Variants in FSTL4 observed in about 807,000 individuals in gnomAD.
FSTL4 encodes the protein follistatin like 4.
In FSTL4, 28 loss-of-function variants were observed where a neutral mutation model predicts 78.2. That is an observed-to-expected ratio of 0.36 (90% confidence interval 0.27 to 0.49). The LOEUF is 0.49. Among genes scored for constraint, FSTL4 ranks in the 20% least tolerant of loss-of-function variants. The pLI is 0.98. For missense variants in FSTL4, 922 were observed against 1,084.9 expected (o/e 0.85, Z 2.11); for synonymous variants, 422 against 440.5 (o/e 0.96, Z 0.53).
At chr5:133,641,631 C>G in the FSTL4 span, among the ~76,000 whole-genome samples, 1 of 151,754 alleles carries the variant, frequency 6.6e-6, no homozygotes, top group South Asian at 2.1e-4. Context: ...CATACATAGG[C>G]AAAAATGTTC....
At chr5:133,744,438 C>T in the FSTL4 span, among the ~76,000 whole-genome samples, 6 of 152,162 alleles carry the variant, frequency 3.9e-5, no homozygotes, top group South Asian at 2.1e-4. Context: ...CCACAGCCCC[C>T]GCTGTGCCGC....
chr5:133,607,097 CA>C (rs1480378837), intron 1 of FSTL4, among the ~76,000 whole-genome samples: 1 of 152,154 alleles, frequency 6.6e-6, no homozygotes, highest in African/African-American at 2.4e-5. Flanking sequence ...TGAGCCAGGC[CA>C]ACTACTGAAA....
At chr5:133,802,918 G>A in the FSTL4 span, among the ~76,000 whole-genome samples, 2 of 152,280 alleles carry the variant, frequency 1.3e-5, no homozygotes, top group South Asian at 2.1e-4. Context: ...ATTTCCAGGC[G>A]CATATACATA....
chr5:133,227,967 C>T (rs1751383854), intron 8 of FSTL4, among the ~76,000 whole-genome samples: 1 of 152,198 alleles, frequency 6.6e-6, no homozygotes, highest in African/African-American at 2.4e-5. Flanking sequence ...TGGCTCATGC[C>T]TATTATCTCA....
At chr5:133,480,573 C>T (rs1005440383) in intron 3 of FSTL4, among the ~76,000 whole-genome samples, 13 of 151,962 alleles carry the variant, frequency 8.6e-5, no homozygotes, top group Admixed American at 8.5e-4. Flanking sequence ...CTTGGATCAA[C>T]GTGAAGCCGG....
At chr5:133,337,636 A>G (rs1291423365) in intron 4 of FSTL4, among the ~76,000 whole-genome samples, 1 of 152,196 alleles carries the variant, frequency 6.6e-6, no homozygotes, top group East Asian at 1.9e-4. Context: ...GCCAAATGGG[A>G]ATACCAGCAA....
At chr5:133,653,049 C>T in the FSTL4 span, among the ~76,000 whole-genome samples, 17 of 152,158 alleles carry the variant, frequency 1.1e-4, no homozygotes, top group African/African-American at 2.9e-4. Flanking sequence ...CAGCCAAACG[C>T]TGCATTAGGT....
rs1756823474 is a variant in FSTL4, at chr5:133,426,601, C to G, written c.161-25615G>C. ...GGGAATGATCAATGCCGGCATTGTG[C>G]ATTCTGGCAGGGTGGATCACTGGGT... is the stretch of plus-strand genomic sequence containing the variant. On this transcript the variant is annotated intron_variant, in intron 3 of 15. Transcript: ENST00000265342. The surrounding 1 kb of genome is among the most constrained non-coding windows in gnomAD (Gnocchi z 5.0). 6.6e-6 allele frequency among the ~76,000 whole-genome samples: 1 copy of G among 152,178 alleles called. No homozygotes were observed. Among genetic ancestry groups the G allele is most frequent in the Non-Finnish European group, 1.5e-5 (1 of 68,036 alleles).
At chr5:133,834,527 A>G in the FSTL4 span, among the ~76,000 whole-genome samples, 2 of 152,128 alleles carry the variant, frequency 1.3e-5, no homozygotes, top group Non-Finnish European at 2.9e-5. Flanking sequence ...TGGGGGGAGT[A>G]ACAATTATAG....
intron 6 of FSTL4, among the ~76,000 whole-genome samples, chr5:133,278,719 A>G (rs1411264273): frequency 6.6e-6 from 1 of 152,200 alleles, no homozygotes; most frequent in African/African-American, 2.4e-5. Context: ...GTTCCTCCCT[A>G]GAGAGGGTTC....
chr5:133,813,838 T>C, the FSTL4 span, among the ~76,000 whole-genome samples: 1 of 152,374 alleles, frequency 6.6e-6, no homozygotes, highest in South Asian at 2.1e-4. Context: ...TATAGTTTAT[T>C]AACTGACTTT....
chr5:133,817,565 A>T, the FSTL4 span, among the ~76,000 whole-genome samples: 9 of 152,190 alleles, frequency 5.9e-5, no homozygotes, highest in Non-Finnish European at 1.3e-4. Flanking sequence ...CTGTCCCAGG[A>T]GCTGGCAGCA....
chr5:133,404,862 T>C (rs1053572759), intron 3 of FSTL4, among the ~76,000 whole-genome samples: 9 of 152,336 alleles, frequency 5.9e-5, no homozygotes, highest in Middle Eastern at 3.4e-3. Flanking sequence ...TGGGTAATTT[T>C]GCTTCCAAAT....
At chr5:133,783,379 C>A in the FSTL4 span, among the ~76,000 whole-genome samples, 1 of 152,186 alleles carries the variant, frequency 6.6e-6, no homozygotes, top group Non-Finnish European at 1.5e-5. Flanking sequence ...AGCTTAACGC[C>A]TTTTGTCCCA....
chr5:133,344,210 T>C (rs916534521), intron 4 of FSTL4, among the ~76,000 whole-genome samples: 1 of 152,162 alleles, frequency 6.6e-6, no homozygotes, highest in African/African-American at 2.4e-5. Context: ...AAACAAAAAC[T>C]GCAAATAATA....
chr5:133,830,034 C>A, the FSTL4 span, among the ~76,000 whole-genome samples: 1 of 152,166 alleles, frequency 6.6e-6, no homozygotes, highest in Non-Finnish European at 1.5e-5. Context: ...GGGGTGGGCC[C>A]ACCTCTGCCC....
chr5:133,255,115 TG>T (rs1752352893), intron 6 of FSTL4, among the ~76,000 whole-genome samples: 1 of 152,242 alleles, frequency 6.6e-6, no homozygotes, highest in African/African-American at 2.4e-5. Flanking sequence ...CCAAGGTCCC[TG>T]GACGACCAAA....
In FSTL4 at chr5:133,210,262, A is replaced by G. The variant is rs769238075; in HGVS notation, c.1645T>C (p.Tyr549His). The change falls in exon 14 of 16, where the codon TAT (tyrosine) becomes CAT (histidine). Residue 549 changes from tyrosine (Y) to histidine (H), a missense_variant. Transcript: ENST00000265342. ...CACACTTGGTCATGTGACTTGTCATAGGACAGCTTAGCCGGCAGAGGGTCC... is the reference window on the plus strand; with the variant it reads ...CACACTTGGTCATGTGACTTGTCATGGGACAGCTTAGCCGGCAGAGGGTCC... ...GVDPLPAKLS[Y>H]DKSHDQVWVL... is the part of the protein sequence containing the mutation. 4.3e-6 allele frequency: 7 copies of G among 1,612,056 alleles called. No individual in the cohort carries two copies. The African/African-American group carries it at 6.7e-5, about 15-fold the overall frequency.
chr5:133,446,726 T>C (rs1757272421), intron 3 of FSTL4, among the ~76,000 whole-genome samples: 2 of 152,216 alleles, frequency 1.3e-5, no homozygotes, highest in African/African-American at 4.8e-5. Context: ...CAAAGGTTCC[T>C]GTTTCAGCAC....
Sources: allele counts gnomAD v4.1 joint callset (sites outside exome capture counted in the v4.1 genomes callset), GRCh38; gene constraint gnomAD v4.1.1; non-coding constraint Gnocchi (gnomAD v3.1); transcripts MANE v1.5; gene names NCBI Gene and HGNC (gene_info 2026-07-23, HGNC 2026-07-21).